Variants in F11R observed in about 807,000 individuals in gnomAD.
F11R encodes junctional adhesion molecule A.
In F11R, 27 loss-of-function variants were observed where a neutral mutation model predicts 39.3. That is an observed-to-expected ratio of 0.69 (90% CI 0.51 to 0.95). The LOEUF is 0.95. Ranked by LOEUF, F11R falls within the 40% of genes least tolerant of loss-of-function variation. The pLI is 0.00. For missense variants in F11R, 335 were observed against 372.7 expected, an observed-to-expected ratio of 0.90 and a Z score of 0.83; for synonymous variants, 131 against 144.9, an observed-to-expected ratio of 0.90 and a Z score of 0.69.
intron 1 of F11R, among the ~76,000 whole-genome samples, chr1:161,018,408 C>G (rs1001453382): frequency 1.3e-5 from 2 of 152,230 alleles, no homozygotes; most frequent in African/African-American, 4.8e-5. Context: ...AAAGCTCCTG[C>G]TTTTTGATTT....
chr1:161,000,019 A>C (rs1267159905), intron 5 of F11R, 41 bp from the exon 6 acceptor site: 3 of 1,605,584 alleles, frequency 1.9e-6, no homozygotes, highest in Non-Finnish European at 2.6e-6. Context: ...TGAAGAAGCA[A>C]AATAGACATT....
intron 5 of F11R, 65 bp downstream of exon 5, chr1:161,000,081 C>T: frequency 6.2e-7 from 1 of 1,602,686 alleles, no homozygotes; most frequent in Admixed American, 1.7e-5. Flanking sequence ...CCTGTTCTTC[C>T]TCCCACCTTT....
At chr1:161,003,722 G>T (rs992743682) in intron 1 of F11R, among the ~76,000 whole-genome samples, 2 of 150,996 alleles carry the variant, frequency 1.3e-5, no homozygotes, top group African/African-American at 4.9e-5. Flanking sequence ...GATTACAGGC[G>T]CCCGCCACTA....
chr1:161,005,167 A>AAATAAAATAATAAT (rs1648730928), intron 1 of F11R, among the ~76,000 whole-genome samples: 1 of 145,144 alleles, frequency 6.9e-6, no homozygotes, highest in African/African-American at 2.5e-5. Context: ...CTCAAAAATA[A>AAATAAAATAATAAT]AATAATAATA....
intron 1 of F11R, among the ~76,000 whole-genome samples, chr1:161,013,461 C>T (rs1475041919): frequency 6.6e-6 from 1 of 152,210 alleles, no homozygotes; most frequent in East Asian, 1.9e-4. Flanking sequence ...GGACCTAGAG[C>T]TTCCACTCTG....
chr1:161,000,674 G>A lies in F11R; in HGVS notation c.345C>T (p.Gly115=), dbSNP rs575295967. The A allele has an allele frequency of 1.2e-4, 186 of 1,614,118 alleles. No homozygotes were observed. The South Asian group carries it at 1.7e-3, about 15-fold the overall frequency. Residue 115 remains glycine, a synonymous_variant, in exon 4 of 10, where the codon GGC becomes GGT. Coordinates refer to ENST00000368026, the MANE Select transcript of F11R (RefSeq NM_016946.6). ...CCTTGACCTCCCCATAGCTGTTGCC[G>A]CCTTCCTCAGAGACCATACAAGTGT... ...GTYTCMVSEE[G]GNSYGEVKVK...
Position 161,009,709 on chromosome 1 carries a change from T to G in F11R, c.65-8356A>C, listed in dbSNP as rs1364175742. Among the ~76,000 whole-genome samples, 57 of 152,150 alleles carry G rather than the reference T, an allele frequency of 3.7e-4. No individual in the cohort carries two copies. The East Asian group carries it at 0.011, about 29-fold the overall frequency. ...TGGGCCGGGTGCGGTGGCTCACGCC[T>G]ATAATCCCAGCACTTTGGGAGGCCG... On this transcript the variant is annotated intron_variant, in intron 1 of 9. Coordinates refer to ENST00000368026, the MANE Select transcript of F11R (RefSeq NM_016946.6).
At position 161,011,485 on chromosome 1, in the gene F11R, T is replaced by C. The variant is rs368587636; in HGVS notation, c.64+9525A>G. ...GGCCAGGCGCGGTGGCTCACACCTG[T>C]AATCTCAACACTGAGAGGCCGAGAC... On this transcript the variant is annotated intron_variant, in intron 1 of 9. Coordinates refer to ENST00000368026, the MANE Select transcript of F11R (RefSeq NM_016946.6). Among the ~76,000 whole-genome samples, 75 of 152,264 alleles carry C rather than the reference T, an allele frequency of 4.9e-4. 1 individual carries two copies. In the South Asian group the frequency reaches 0.015, roughly 30 times the overall value.
In F11R at chr1:160,999,115, GACACTCAGCCAC is replaced by G. The variant is rs886939003; in HGVS notation, c.816-36_816-25del. Reference sequence around the variant, plus strand: ...TCCTGTGAACAAGCCAGAAGACAGAGACACTCAGCCACCTAGGTGCTTATTAACCTCCCCTTG... The same window carrying G: ...TCCTGTGAACAAGCCAGAAGACAGAGCTAGGTGCTTATTAACCTCCCCTTG... On this transcript the variant is annotated intron_variant, in intron 8 of 9. Transcript: ENST00000368026. 2.5e-6 allele frequency: 4 copies of G among 1,614,048 alleles called. No homozygotes were observed. In the African/African-American group the frequency reaches 5.3e-5, roughly 22 times the overall value.
At chr1:161,001,379 C>T (rs761674428) in intron 1 of F11R, 26 bp from the exon 2 acceptor site, 2 of 1,602,068 alleles carry the variant, frequency 1.2e-6, no homozygotes, top group South Asian at 2.2e-5. Context: ...GAGGTGGGCC[C>T]TGTCAGGAGT....
intron 1 of F11R, among the ~76,000 whole-genome samples, chr1:161,010,577 T>C (rs1173294455): frequency 1.3e-5 from 2 of 152,126 alleles, no homozygotes; most frequent in East Asian, 1.9e-4. Flanking sequence ...GGAAATCCCA[T>C]GTATCTTTCA....
Position 161,000,695 on chromosome 1 carries a change from A to G in F11R, c.324T>C (p.Thr108=), listed in dbSNP as rs1414453766. The change falls in exon 4 of 10, where the codon ACT becomes ACC. Residue 108 remains threonine, a synonymous_variant. Coordinates refer to ENST00000368026, the MANE Select transcript of F11R (RefSeq NM_016946.6). ...SVTREDTGTY[T]CMVSEEGGNS... ...TGCCGCCTTCCTCAGAGACCATACAAGTGTATGTCCCAGTGTCTTCCCGTG... is the reference window on the plus strand; with the variant it reads ...TGCCGCCTTCCTCAGAGACCATACAGGTGTATGTCCCAGTGTCTTCCCGTG... The G allele has an allele frequency of 6.2e-7, 1 of 1,614,090 alleles. No individual in the cohort carries two copies. The highest frequency in any genetic ancestry group is 8.5e-7 in the Non-Finnish European group (1 of 1,180,022).
Position 161,020,994 on chromosome 1 carries a change from A to T in F11R, c.64+16T>A. ...GACCCGACCAACCGATTCCTCCCGAAACTCTGGGAACTTACACAACAGGAT... is the reference window on the plus strand; with the variant it reads ...GACCCGACCAACCGATTCCTCCCGATACTCTGGGAACTTACACAACAGGAT... On this transcript the variant is annotated intron_variant, in intron 1 of 9. Transcript: ENST00000368026. 1 of 1,613,856 alleles carries T rather than the reference A, an allele frequency of 6.2e-7. No individual in the cohort carries two copies.
At chr1:161,005,403 G>C (rs1249939441) in intron 1 of F11R, among the ~76,000 whole-genome samples, 1 of 63,336 alleles carries the variant, frequency 1.6e-5, no homozygotes, top group Non-Finnish European at 3.0e-5. Context: ...GTGTTGGCCT[G>C]CTGGGCTCAA....
At chr1:161,002,784 T>A (rs1396478785) in intron 1 of F11R, among the ~76,000 whole-genome samples, 4 of 152,178 alleles carry the variant, frequency 2.6e-5, no homozygotes, top group South Asian at 2.1e-4. Flanking sequence ...TTCTTTTTTT[T>A]AAATTTTGGC....
At position 161,001,364 on chromosome 1, in the gene F11R, A is replaced by C; in HGVS notation, c.65-11T>G. On this transcript the variant is annotated splice_polypyrimidine_tract_variant and intron_variant, in intron 1 of 9. Transcript: ENST00000368026. ...CCAATGCCAGGGAGCCTAAGGAGAA[A>C]GAAAGAGGTGGGCCCTGTCAGGAGT... 6.2e-7 allele frequency: 1 copy of C among 1,612,648 alleles called. No homozygotes were observed. Among genetic ancestry groups the C allele is most frequent in the Non-Finnish European group, 8.5e-7 (1 of 1,178,700 alleles).
At chr1:161,011,775 C>T (rs1287920839) in intron 1 of F11R, among the ~76,000 whole-genome samples, 2 of 151,832 alleles carry the variant, frequency 1.3e-5, no homozygotes, top group African/African-American at 4.8e-5. Context: ...AGACGTATCT[C>T]ACACATTAAT....
chr1:161,019,452 G>A (rs747928364), intron 1 of F11R, among the ~76,000 whole-genome samples: 1 of 151,914 alleles, frequency 6.6e-6, no homozygotes, highest in Non-Finnish European at 1.5e-5. Flanking sequence ...AAAATTAGCC[G>A]GGCGTGATGG....
intron 1 of F11R, among the ~76,000 whole-genome samples, chr1:161,017,372 A>T (rs942039230): frequency 1.3e-5 from 2 of 152,190 alleles, no homozygotes; most frequent in African/African-American, 4.8e-5. Flanking sequence ...TCGGTATAAA[A>T]CCAAGACATT....
Sources: gnomAD v4.1 joint callset for allele counts (sites outside exome capture counted in the v4.1 genomes callset) on GRCh38, gnomAD v4.1.1 for gene constraint, MANE v1.5 for transcripts, NCBI Gene and HGNC (gene_info 2026-07-23, HGNC 2026-07-21) for gene names.